THRB: variants seen among roughly 807,000 people sequenced by gnomAD.
The protein encoded by THRB is thyroid hormone receptor beta, also known as nuclear receptor subfamily 1 group A member 2.
A neutral mutation model predicts 47.8 loss-of-function variants in THRB; 12 were observed. That is an observed-to-expected ratio of 0.25 (90% CI 0.16 to 0.41). THRB has a LOEUF of 0.41. THRB is among the 10% of genes least tolerant of loss of function. The pLI is 1.00. For synonymous variants in THRB, 218 were observed against 212.2 expected, an observed-to-expected ratio of 1.03 and a Z score of -0.24; for missense variants, 348 against 589.2, an observed-to-expected ratio of 0.59 and a Z score of 4.24.
In THRB at chr3:24,119,862, C is replaced by T. The variant is rs2031348248; in HGVS notation, c.*3022G>A. ...TTGAGCAAAGTACACTTGAGGGTCACACACGCACGCGCATACACTCACACG... is the reference window on the plus strand; with the variant it reads ...TTGAGCAAAGTACACTTGAGGGTCATACACGCACGCGCATACACTCACACG... On this transcript the variant is annotated 3_prime_UTR_variant, in exon 11 of 11. Transcript: ENST00000646209. 6.6e-6 allele frequency: 1 copy of T among 152,280 alleles called. No individual in the cohort carries two copies. The highest frequency in any genetic ancestry group is 1.5e-5 in the Non-Finnish European group (1 of 68,040). The allele number at this position is 152,280 out of a possible 1,614,324, so 9.4% of individuals were successfully genotyped here. A position where few individuals can be genotyped will look rare whatever the true frequency, so the allele number is the denominator to read the frequency against.
At chr3:24,389,876 T>A (rs2066426891) in intron 1 of THRB, among the ~76,000 whole-genome samples, 1 of 152,094 alleles carries the variant, frequency 6.6e-6, no homozygotes, top group Admixed American at 6.6e-5. Flanking sequence ...GCAACCACAG[T>A]CTTGAAGTGC....
chr3:24,144,897 C>G (rs1225656299), intron 7 of THRB: 1 of 151,686 alleles, frequency 6.6e-6, no homozygotes, highest in East Asian at 1.9e-4. Flanking sequence ...AAGGTGTGAC[C>G]TGGTAGGAAA....
chr3:24,399,412 G>A (rs993102416), intron 1 of THRB, among the ~76,000 whole-genome samples: 4 of 151,974 alleles, frequency 2.6e-5, no homozygotes, highest in African/African-American at 9.7e-5. Context: ...GGCAGCACTA[G>A]CTATATGATT....
At chr3:24,295,528 G>A (rs538726866) in intron 3 of THRB, among the ~76,000 whole-genome samples, 8 of 152,330 alleles carry the variant, frequency 5.3e-5, no homozygotes, top group Non-Finnish European at 1.2e-4. Flanking sequence ...TTGTTCAGAA[G>A]TTAAGTTTTC....
chr3:24,414,193 G>A (rs1397397801), intron 1 of THRB, among the ~76,000 whole-genome samples: 1 of 151,830 alleles, frequency 6.6e-6, no homozygotes, highest in Non-Finnish European at 1.5e-5. Flanking sequence ...ATAATATGCA[G>A]CCATGAAAAC....
chr3:24,272,501 A>C (rs2053458889), intron 3 of THRB, among the ~76,000 whole-genome samples: 1 of 152,134 alleles, frequency 6.6e-6, no homozygotes, highest in African/African-American at 2.4e-5. Context: ...AGTTCTGAAA[A>C]ACATTGCCAA....
intron 3 of THRB, among the ~76,000 whole-genome samples, chr3:24,285,180 C>G (rs573760326): frequency 0.018 from 2,664 of 149,926 alleles, 76 homozygotes; most frequent in African/African-American, 0.062. Context: ...TTGGAACCAA[C>G]CCAAATGTCC....
chr3:24,475,516 CAT>C (rs1389691825), intron 1 of THRB, among the ~76,000 whole-genome samples: 1 of 145,766 alleles, frequency 6.9e-6, no homozygotes, highest in African/African-American at 2.6e-5. Flanking sequence ...ATTTGAAAAT[CAT>C]ATATGTCAAC....
intron 3 of THRB, among the ~76,000 whole-genome samples, chr3:24,264,644 C>G (rs1214596073): frequency 6.6e-6 from 1 of 152,034 alleles, no homozygotes; most frequent in Non-Finnish European, 1.5e-5. Flanking sequence ...TTAAACAGAA[C>G]TATCGTTATT....
intron 5 of THRB, 35 bp from the exon 6 acceptor site, chr3:24,152,525 T>C (rs373640574): frequency 1.9e-4 from 213 of 1,149,326 alleles, no homozygotes; most frequent in Non-Finnish European, 2.5e-4. Flanking sequence ...TATTAAAAAA[T>C]AATATGTTAA....
chr3:24,137,769 C>T (rs937795014), intron 8 of THRB, among the ~76,000 whole-genome samples: 9 of 151,950 alleles, frequency 5.9e-5, no homozygotes, highest in East Asian at 1.9e-4. Context: ...AGACATGACA[C>T]GATGGTTACT....
chr3:24,313,800 A>G (rs2057925838), intron 2 of THRB, among the ~76,000 whole-genome samples: 1 of 152,120 alleles, frequency 6.6e-6, no homozygotes, highest in South Asian at 2.1e-4. Flanking sequence ...TTTTAAAAAA[A>G]AAAACAACTT....
chr3:24,399,671 A>C (rs2067247723), intron 1 of THRB, among the ~76,000 whole-genome samples: 1 of 152,102 alleles, frequency 6.6e-6, no homozygotes, highest in Admixed American at 6.6e-5. Context: ...TTACATATTT[A>C]CAGACTCTTC....
intron 4 of THRB, among the ~76,000 whole-genome samples, chr3:24,196,322 G>A (rs2043949526): frequency 6.6e-6 from 1 of 151,848 alleles, no homozygotes. Context: ...CGTGAGAGGT[G>A]GTCATTAGAG....
intron 5 of THRB, among the ~76,000 whole-genome samples, chr3:24,159,996 G>A (rs2149218683): frequency 6.6e-6 from 1 of 152,328 alleles, no homozygotes; most frequent in South Asian, 2.1e-4. Context: ...TGCCTTTGAA[G>A]GCAGGGCTGG....
chr3:24,289,247 G>C (rs1368028315), intron 3 of THRB, among the ~76,000 whole-genome samples: 2 of 152,164 alleles, frequency 1.3e-5, no homozygotes, highest in African/African-American at 2.4e-5. Context: ...AAGATCTTTA[G>C]GTAGACAACT....
In THRB at chr3:24,143,843, G is replaced by T. The variant is rs2035762961; in HGVS notation, c.533-137C>A. 2.8e-5 allele frequency: 23 copies of T among 821,814 alleles called. No individual in the cohort carries two copies. The South Asian group carries it at 3.4e-4, about 12-fold the overall frequency. The allele number at this position is 821,814 out of a possible 1,614,324, so 50.9% of individuals were successfully genotyped here. On this transcript the variant is annotated intron_variant, in intron 7 of 10. Transcript: ENST00000646209. ...GGGTCCTTCGGGGTGGGTCACACTG[G>T]GACAGTTTCTCTCCTCACCAGCAAA...
intron 2 of THRB, among the ~76,000 whole-genome samples, chr3:24,331,159 G>T (rs1316604383): frequency 1.3e-5 from 2 of 152,236 alleles, no homozygotes; most frequent in East Asian, 3.9e-4. Context: ...CTTAAAAAAA[G>T]GGAGTGATGA....
At chr3:24,173,815 T>C (rs1163169002) in intron 5 of THRB, among the ~76,000 whole-genome samples, 3 of 152,194 alleles carry the variant, frequency 2.0e-5, no homozygotes, top group African/African-American at 7.2e-5. Flanking sequence ...GCTTCAGCTA[T>C]TGCCCGTGTG....
Sources: gnomAD v4.1 joint callset for allele counts (sites outside exome capture counted in the v4.1 genomes callset) on GRCh38, gnomAD v4.1.1 for gene constraint, MANE v1.5 for transcripts, NCBI Gene and HGNC (gene_info 2026-07-23, HGNC 2026-07-21) for gene names.